The following LRP5 variants were observed in gnomAD, a reference collection of about 807,000 sequenced individuals.
The protein encoded by LRP5 is low-density lipoprotein receptor-related protein 5.
LRP5 carries 62 observed loss-of-function variants against 154.1 expected under a neutral mutation model. That is an observed-to-expected ratio of 0.40 (90% confidence interval 0.33 to 0.50). The LOEUF (loss-of-function observed/expected upper bound fraction) is 0.50. Among genes scored for constraint, LRP5 ranks in the 20% least tolerant of loss-of-function variants. LRP5 has a pLI of 0.55. For missense variants in LRP5, 1,915 were observed against 2,336.7 expected (o/e 0.82, Z 3.72); for synonymous variants, 966 against 1,011.5 (o/e 0.96, Z 0.85).
At chr11:68,361,316 TAATAA>T (rs1361340835) in intron 3 of LRP5, among the ~76,000 whole-genome samples, 2 of 136,196 alleles carry the variant, frequency 1.5e-5, no homozygotes, top group Admixed American at 7.3e-5. Context: ...AAAAAAAAAA[TAATAA>T]AATAAAATAA....
chr11:68,449,075 G>A lies in LRP5; in HGVS notation c.*5G>A, dbSNP rs367962345. 1.1e-4 allele frequency: 170 copies of A among 1,533,632 alleles called. No homozygotes were observed. The highest frequency in any genetic ancestry group is 1.3e-4 in the Non-Finnish European group (144 of 1,142,264). ...CCCTGCACGGACTCATCCTGACCTC[G>A]GCCGGGCCACTCTGGCTTCTCTGTG... On this transcript the variant is annotated 3_prime_UTR_variant, in exon 23 of 23. Coordinates refer to ENST00000294304, the MANE Select transcript of LRP5 (RefSeq NM_002335.4).
At chr11:68,409,046 C>T (rs11228229) in intron 9 of LRP5, among the ~76,000 whole-genome samples, 1 of 45,974 alleles carries the variant, frequency 2.2e-5, no homozygotes, top group Non-Finnish European at 3.5e-5. Context: ...CAAGACTTAT[C>T]TGGGGAAAAA....
chr11:68,407,066 A>T (rs2098656128), intron 9 of LRP5, among the ~76,000 whole-genome samples: 2 of 151,698 alleles, frequency 1.3e-5, no homozygotes, highest in Admixed American at 6.6e-5. Flanking sequence ...GTTGAGCTTG[A>T]CTTCAGACAC....
the LRP5 span, among the ~76,000 whole-genome samples, chr11:68,302,167 G>A: frequency 2.6e-5 from 4 of 151,118 alleles, no homozygotes; most frequent in Non-Finnish European, 4.4e-5. Context: ...GACCAGCCTG[G>A]CCATCTCATC....
At chr11:68,304,919 T>C in the LRP5 span, among the ~76,000 whole-genome samples, 1 of 152,152 alleles carries the variant, frequency 6.6e-6, no homozygotes, top group African/African-American at 2.4e-5. Context: ...GTCTTGTAGG[T>C]GAAAGGAACT....
At chr11:68,390,462 A>C (rs1450290987) in intron 7 of LRP5, among the ~76,000 whole-genome samples, 1 of 152,276 alleles carries the variant, frequency 6.6e-6, no homozygotes, top group African/African-American at 2.4e-5. Context: ...GCCCTGCTTA[A>C]GACAGAAAAC....
At chr11:68,396,892 C>G (rs530272474) in intron 7 of LRP5, among the ~76,000 whole-genome samples, 1 of 152,204 alleles carries the variant, frequency 6.6e-6, no homozygotes, top group Admixed American at 6.5e-5. Context: ...TGCCCCACCA[C>G]GTGTGAAGCC....
chr11:68,355,697 G>A (rs1353327738), intron 2 of LRP5, among the ~76,000 whole-genome samples: 1 of 152,194 alleles, frequency 6.6e-6, no homozygotes, highest in East Asian at 1.9e-4. Flanking sequence ...CAGAGATCAC[G>A]TAAGGGCGCC....
At chr11:68,360,472 C>T (rs1203748229) in intron 3 of LRP5, among the ~76,000 whole-genome samples, 1 of 152,256 alleles carries the variant, frequency 6.6e-6, no homozygotes, top group Non-Finnish European at 1.5e-5. Context: ...CGGGATTCTT[C>T]TGCCTCTGCA....
chr11:68,346,732 T>G (rs2098613284), intron 1 of LRP5, among the ~76,000 whole-genome samples: 1 of 152,178 alleles, frequency 6.6e-6, no homozygotes, highest in Non-Finnish European at 1.5e-5. Flanking sequence ...TTGGGGGTGT[T>G]TGTGGCCAGC....
chr11:68,427,704 G>T (rs1477479146), intron 16 of LRP5, among the ~76,000 whole-genome samples: 1 of 151,726 alleles, frequency 6.6e-6, no homozygotes, highest in Non-Finnish European at 1.5e-5. Context: ...GCCAGGGGTG[G>T]TAGTGACAAA....
chr11:68,324,836 G>A (rs1238579362), intron 1 of LRP5, among the ~76,000 whole-genome samples: 1 of 152,202 alleles, frequency 6.6e-6, no homozygotes, highest in Non-Finnish European at 1.5e-5. Context: ...GGGTCCCTGG[G>A]TTGGGCATGA....
In LRP5 at chr11:68,416,273, A is replaced by G. The variant is rs1302022815; in HGVS notation, c.2828-55A>G. 4 of 1,514,362 alleles carry G rather than the reference A, an allele frequency of 2.6e-6. No individual in the cohort carries two copies. The East Asian group carries it at 6.8e-5, about 26-fold the overall frequency. The allele number at this position is 1,514,362 out of a possible 1,614,324, so 93.8% of individuals were successfully genotyped here. On this transcript the variant is annotated intron_variant, in intron 12 of 22. Transcript: ENST00000294304. ...CGAGTGGCGTGCTATCCCGTCCTCC[A>G]GCTCCTCTGTGGCTTACAGACACCC... is the stretch of plus-strand genomic sequence containing the variant.
intron 2 of LRP5, among the ~76,000 whole-genome samples, chr11:68,352,105 G>A (rs1249487340): frequency 6.6e-6 from 1 of 152,166 alleles, no homozygotes; most frequent in African/African-American, 2.4e-5. Context: ...AGAGTGAGCT[G>A]TGGGGTGGGT....
At chr11:68,377,948 G>A (rs537420183) in intron 5 of LRP5, among the ~76,000 whole-genome samples, 84 of 152,294 alleles carry the variant, frequency 5.5e-4, no homozygotes, top group African/African-American at 1.9e-3. Flanking sequence ...GGTTGGTGCC[G>A]GCTGTGGTGG....
At chr11:68,329,015 T>C (rs1041539679) in intron 1 of LRP5, among the ~76,000 whole-genome samples, 5 of 152,152 alleles carry the variant, frequency 3.3e-5, no homozygotes, top group Non-Finnish European at 5.9e-5. Context: ...CACGTGTGCA[T>C]GCACACACAC....
At chr11:68,372,761 G>A (rs1274609394) in intron 5 of LRP5, among the ~76,000 whole-genome samples, 6 of 152,162 alleles carry the variant, frequency 3.9e-5, no homozygotes, top group Non-Finnish European at 8.8e-5. Context: ...TTCCAAGGCT[G>A]GGTGCTGCCA....
At chr11:68,310,883 G>C (rs539266209), upstream of LRP5, among the ~76,000 whole-genome samples, 13 of 152,198 alleles carry the variant, frequency 8.5e-5, no homozygotes, top group African/African-American at 3.1e-4. Context: ...TGAGATGTGG[G>C]AAGGGAGTGG....
In LRP5 at chr11:68,413,619, C is replaced by T. The variant is rs187579163; in HGVS notation, c.2504-70C>T. ...TGCAGGGTTGAACCCTGGCTCACCC[C>T]GCAGGGCGCCGTGTGCTCTGTGGCC... On this transcript the variant is annotated intron_variant, in intron 11 of 22. Transcript: ENST00000294304. This position sits in a 1 kb window ranked among gnomAD's most constrained non-coding sequence, Gnocchi z 5.1. 5.7e-5 allele frequency: 81 copies of T among 1,429,722 alleles called. 2 individuals are homozygous for T. The highest frequency in any genetic ancestry group is 2.6e-4 in the South Asian group (23 of 87,134). 88.6% of individuals were successfully genotyped at this position (1,429,722 alleles called of 1,614,324 possible). A position where few individuals can be genotyped will look rare whatever the true frequency, so the allele number is the denominator to read the frequency against.
Sources: gnomAD v4.1 joint callset for allele counts (sites outside exome capture counted in the v4.1 genomes callset) on GRCh38, gnomAD v4.1.1 for gene constraint, Gnocchi (gnomAD v3.1) non-coding constraint, MANE v1.5 for transcripts, NCBI Gene and HGNC (gene_info 2026-07-23, HGNC 2026-07-21) for gene names.